HLCS: variants seen among roughly 807,000 people sequenced by gnomAD.
HLCS encodes the protein holocarboxylase synthetase.
In HLCS, 53 loss-of-function variants were observed where a neutral mutation model predicts 75.0. The ratio of observed to expected loss-of-function variants is 0.71; its 90% CI spans 0.57 to 0.89. HLCS has a LOEUF of 0.89. Ranked by LOEUF, HLCS falls within the 40% of genes least tolerant of loss-of-function variation. HLCS has a pLI of 0.00. For synonymous variants in HLCS, 431 were observed against 428.6 expected (o/e 1.01, Z -0.07); for missense variants, 966 against 1,074.0 (o/e 0.90, Z 1.41).
chr21:36,812,321 A>C (rs932347066), intron 6 of HLCS, among the ~76,000 whole-genome samples: 4 of 152,166 alleles, frequency 2.6e-5, no homozygotes, highest in African/African-American at 7.2e-5. Flanking sequence ...CTACTATGGA[A>C]TTATCTGTAA....
intron 6 of HLCS, among the ~76,000 whole-genome samples, chr21:36,850,251 T>A (rs560242523): frequency 6.6e-6 from 1 of 152,326 alleles, no homozygotes; most frequent in Admixed American, 6.5e-5. Flanking sequence ...TTTAAATAAC[T>A]ATATGTTCTC....
chr21:36,818,200 T>C (rs1313233118), intron 6 of HLCS, among the ~76,000 whole-genome samples: 1 of 152,160 alleles, frequency 6.6e-6, no homozygotes, highest in Non-Finnish European at 1.5e-5. Flanking sequence ...CCAGAAGGAT[T>C]TGAAGGTTGG....
chr21:36,760,546 G>A (rs1385398755), intron 8 of HLCS, among the ~76,000 whole-genome samples: 2 of 151,508 alleles, frequency 1.3e-5, no homozygotes, highest in Non-Finnish European at 2.9e-5. Flanking sequence ...GGAGGCGGAG[G>A]TTGCAGCGAG....
At chr21:36,922,037 T>C (rs553370124) in intron 5 of HLCS, among the ~76,000 whole-genome samples, 3 of 152,290 alleles carry the variant, frequency 2.0e-5, no homozygotes, top group African/African-American at 4.8e-5. Context: ...TCATAATATG[T>C]ATTCATATGG....
chr21:36,967,299 A>G (rs1340636144), upstream of HLCS, among the ~76,000 whole-genome samples: 1 of 152,182 alleles, frequency 6.6e-6, no homozygotes, highest in African/African-American at 2.4e-5. Flanking sequence ...AATCACATAC[A>G]TTCACGGGAT....
intron 6 of HLCS, among the ~76,000 whole-genome samples, chr21:36,859,885 A>C (rs553782325): frequency 9.9e-5 from 15 of 152,226 alleles, no homozygotes; most frequent in Non-Finnish European, 2.2e-4. Context: ...ATGGGGAAGA[A>C]GACGGTTTCG....
intron 6 of HLCS, among the ~76,000 whole-genome samples, chr21:36,849,724 T>C (rs1366953104): frequency 3.9e-5 from 6 of 152,238 alleles, no homozygotes; most frequent in Admixed American, 3.3e-4. Context: ...CCTGATTCTC[T>C]GACCTTCCCC....
chr21:36,813,905 C>A (rs1322800546), intron 6 of HLCS, among the ~76,000 whole-genome samples: 1 of 152,142 alleles, frequency 6.6e-6, no homozygotes, highest in Non-Finnish European at 1.5e-5. Flanking sequence ...ACATAATAAG[C>A]CCAAACTCAA....
At chr21:36,845,854 A>G (rs1266589871) in intron 6 of HLCS, among the ~76,000 whole-genome samples, 1 of 152,124 alleles carries the variant, frequency 6.6e-6, no homozygotes, top group Non-Finnish European at 1.5e-5. Context: ...GAGCTCTGTG[A>G]TGGCCACCGG....
chr21:36,908,275 G>A (rs1262519452), intron 5 of HLCS, among the ~76,000 whole-genome samples: 2 of 151,804 alleles, frequency 1.3e-5, no homozygotes, highest in Non-Finnish European at 2.9e-5. Flanking sequence ...CTATATCCCA[G>A]CTATTCAGGA....
intron 5 of HLCS, among the ~76,000 whole-genome samples, chr21:36,897,726 C>A (rs778068159): frequency 1.3e-5 from 2 of 152,108 alleles, no homozygotes; most frequent in African/African-American, 4.8e-5. Context: ...TCTGTTTGCC[C>A]CAAATGGAGG....
At chr21:36,789,970 T>A (rs1345845724) in intron 6 of HLCS, among the ~76,000 whole-genome samples, 1 of 152,196 alleles carries the variant, frequency 6.6e-6, no homozygotes, top group Non-Finnish European at 1.5e-5. Flanking sequence ...GGGTCAAGGA[T>A]ATTAACTTTT....
At position 36,933,500 on chromosome 21, in the gene HLCS, G is replaced by A. The variant is rs537814080; in HGVS notation, c.1437+2949C>T. ...CGGGAAGCAGAGGTTGCAGTGAGCC[G>A]AGATCGTACCACTGCACTCCATCCT... On this transcript the variant is annotated intron_variant, in intron 4 of 10. Coordinates refer to ENST00000674895, the MANE Select transcript of HLCS (RefSeq NM_001352514.2). Among the ~76,000 whole-genome samples, 3 of 144,158 alleles carry A rather than the reference G, an allele frequency of 2.1e-5. No individual in the cohort carries two copies. The South Asian group carries it at 6.5e-4, about 31-fold the overall frequency. 94.6% of individuals were successfully genotyped at this position (144,158 alleles called of 152,430 possible).
intron 6 of HLCS, among the ~76,000 whole-genome samples, chr21:36,867,248 C>T (rs2063591726): frequency 6.6e-6 from 1 of 152,138 alleles, no homozygotes; most frequent in African/African-American, 2.4e-5. Flanking sequence ...GCTAACTATC[C>T]ATTAGGAAGG....
intron 6 of HLCS, among the ~76,000 whole-genome samples, chr21:36,788,108 A>G (rs2060747455): frequency 6.6e-6 from 1 of 152,220 alleles, no homozygotes; most frequent in South Asian, 2.1e-4. Flanking sequence ...ATTAAAACCA[A>G]GATGTTTCCT....
chr21:36,936,996 C>T lies in HLCS; in HGVS notation c.890G>A (p.Arg297Lys), dbSNP rs1037041125. The T allele has an allele frequency of 1.2e-6, 2 of 1,614,150 alleles. No homozygotes were observed. Among genetic ancestry groups the T allele is most frequent in the African/African-American group, 1.3e-5 (1 of 75,048 alleles). The change falls in exon 4 of 11, where the codon AGA becomes AAA. Residue 297 changes from arginine to lysine, a missense_variant. Arg to Lys is a conservative substitution (Grantham distance 26). Coordinates refer to ENST00000674895, the MANE Select transcript of HLCS (RefSeq NM_001352514.2). ...CGTGAGGTTGACTCTCCTCCCTTCT[C>T]TTTCGGGGGAGGTCTCATCAGCAAC... ...ESVADETSPE[R>K]EGRRVNLTGK...
intron 6 of HLCS, among the ~76,000 whole-genome samples, chr21:36,818,094 G>A (rs1189086726): frequency 6.6e-6 from 1 of 152,190 alleles, no homozygotes; most frequent in Non-Finnish European, 1.5e-5. Context: ...ATCAGCCTAG[G>A]ATCATACAAA....
intron 5 of HLCS, among the ~76,000 whole-genome samples, chr21:36,920,067 C>G (rs2066096277): frequency 2.0e-5 from 3 of 152,234 alleles, no homozygotes; most frequent in South Asian, 4.1e-4. Context: ...CACGGTAGCT[C>G]ATACCTGTGA....
chr21:36,757,162 T>C (rs754715018), intron 9 of HLCS, among the ~76,000 whole-genome samples: 8 of 152,200 alleles, frequency 5.3e-5, no homozygotes, highest in Non-Finnish European at 1.0e-4. Context: ...CCTGCTTGAA[T>C]AACAGATCCC....
Sources: gnomAD v4.1 joint callset for allele counts (sites outside exome capture counted in the v4.1 genomes callset) on GRCh38, gnomAD v4.1.1 for gene constraint, MANE v1.5 for transcripts, NCBI Gene and HGNC (gene_info 2026-07-23, HGNC 2026-07-21) for gene names.